The following RPS6KC1 variants were observed in gnomAD, a reference collection of about 807,000 sequenced individuals.
The protein encoded by RPS6KC1 is ribosomal protein S6 kinase C1, also known as inactive ribosomal protein S6 kinase delta-1.
A neutral mutation model predicts 103.8 loss-of-function variants in RPS6KC1; 54 were observed. That is an observed-to-expected ratio of 0.52 (90% confidence interval 0.42 to 0.65). The LOEUF is 0.65. Ranked by LOEUF, RPS6KC1 falls within the 30% of genes least tolerant of loss-of-function variation. The pLI is 0.00. For missense variants in RPS6KC1, 1,151 were observed against 1,253.8 expected (o/e 0.92, Z 1.24); for synonymous variants, 439 against 438.7 (o/e 1.00, Z -0.01).
At chr1:213,151,058 G>T (rs1245774735) in intron 6 of RPS6KC1, among the ~76,000 whole-genome samples, 2 of 145,628 alleles carry the variant, frequency 1.4e-5, no homozygotes, top group Non-Finnish European at 3.0e-5. Context: ...TCACTTCCCA[G>T]TAGGGGCGGC....
the RPS6KC1 span, among the ~76,000 whole-genome samples, chr1:213,786,638 A>G: frequency 2.0e-5 from 3 of 152,246 alleles, no homozygotes; most frequent in East Asian, 1.9e-4. Context: ...GGTAATATGT[A>G]TGAAACATCT....
At chr1:213,499,706 TAC>T in the RPS6KC1 span, among the ~76,000 whole-genome samples, 1 of 151,426 alleles carries the variant, frequency 6.6e-6, no homozygotes, top group African/African-American at 2.5e-5. Flanking sequence ...CCAGTGTGCT[TAC>T]ACAAACCTAG....
chr1:213,589,973 G>T, the RPS6KC1 span, among the ~76,000 whole-genome samples: 4 of 151,750 alleles, frequency 2.6e-5, no homozygotes, highest in South Asian at 2.1e-4. Context: ...GTGTGTGTGT[G>T]TGTGTGTGTC....
the RPS6KC1 span, among the ~76,000 whole-genome samples, chr1:213,387,342 T>G: frequency 6.6e-6 from 1 of 152,260 alleles, no homozygotes; most frequent in Non-Finnish European, 1.5e-5. Flanking sequence ...ATTTGCATTG[T>G]AATTGCCTGA....
the RPS6KC1 span, among the ~76,000 whole-genome samples, chr1:213,389,829 G>A: frequency 6.6e-6 from 1 of 152,162 alleles, no homozygotes; most frequent in East Asian, 1.9e-4. Context: ...CTTCATCTCA[G>A]CCCTGAATCT....
chr1:213,484,515 G>A, the RPS6KC1 span, among the ~76,000 whole-genome samples: 2 of 152,224 alleles, frequency 1.3e-5, no homozygotes, highest in Admixed American at 1.3e-4. Context: ...TAGAGAAGGT[G>A]AGAGAGCGAG....
At chr1:213,503,144 A>G in the RPS6KC1 span, among the ~76,000 whole-genome samples, 3 of 147,194 alleles carry the variant, frequency 2.0e-5, no homozygotes, top group African/African-American at 7.6e-5. Flanking sequence ...CATCTCTTCT[A>G]CTTTATTGTT....
At chr1:213,705,692 G>A in the RPS6KC1 span, among the ~76,000 whole-genome samples, 4 of 152,260 alleles carry the variant, frequency 2.6e-5, no homozygotes, top group African/African-American at 9.6e-5. Flanking sequence ...AACTACCACA[G>A]CTGGGGATGT....
At chr1:213,754,116 C>T in the RPS6KC1 span, among the ~76,000 whole-genome samples, 55 of 152,264 alleles carry the variant, frequency 3.6e-4, no homozygotes, top group Admixed American at 7.2e-4. Context: ...GCTCAGGCTG[C>T]GGAAACAAAA....
the RPS6KC1 span, among the ~76,000 whole-genome samples, chr1:213,292,693 G>GTT: frequency 7.2e-5 from 11 of 152,156 alleles, no homozygotes; most frequent in Non-Finnish European, 1.5e-4. Context: ...ATGATAGACA[G>GTT]TGATTTTCTA....
chr1:213,420,333 G>C, the RPS6KC1 span, among the ~76,000 whole-genome samples: 1 of 152,168 alleles, frequency 6.6e-6, no homozygotes. Flanking sequence ...GAAAAAGTAG[G>C]GTAAAGTGGG....
At chr1:213,101,962 G>A (rs1558318440) in intron 3 of RPS6KC1, among the ~76,000 whole-genome samples, 1 of 152,066 alleles carries the variant, frequency 6.6e-6, no homozygotes, top group Non-Finnish European at 1.5e-5. Flanking sequence ...TTTACCTATT[G>A]GGGTTCTTGC....
intron 6 of RPS6KC1, among the ~76,000 whole-genome samples, chr1:213,147,939 T>C (rs982867118): frequency 2.0e-5 from 3 of 152,240 alleles, no homozygotes; most frequent in Non-Finnish European, 4.4e-5. Context: ...TTCTTAGATA[T>C]TCAGTTTTAT....
intron 14 of RPS6KC1, among the ~76,000 whole-genome samples, chr1:213,265,147 A>C (rs1341034551): frequency 2.0e-5 from 3 of 152,202 alleles, no homozygotes; most frequent in Non-Finnish European, 4.4e-5. Context: ...TCTTGGATTC[A>C]TTAACTTGAA....
the RPS6KC1 span, among the ~76,000 whole-genome samples, chr1:213,658,958 T>C: frequency 6.6e-6 from 1 of 152,152 alleles, no homozygotes; most frequent in Non-Finnish European, 1.5e-5. Flanking sequence ...TTTTTTCTTT[T>C]CTTTTCTTTT....
At chr1:213,836,414 C>G in the RPS6KC1 span, among the ~76,000 whole-genome samples, 1 of 152,120 alleles carries the variant, frequency 6.6e-6, no homozygotes, top group Non-Finnish European at 1.5e-5. Context: ...CACAACCACA[C>G]TTAAATGTGT....
chr1:213,587,174 G>A, the RPS6KC1 span, among the ~76,000 whole-genome samples: 1 of 152,202 alleles, frequency 6.6e-6, no homozygotes, highest in African/African-American at 2.4e-5. Context: ...AAGCAGGCAT[G>A]GAAGTTGGGT....
chr1:213,536,828 G>T, the RPS6KC1 span, among the ~76,000 whole-genome samples: 452 of 152,304 alleles, frequency 3.0e-3, 6 homozygotes, highest in African/African-American at 0.01. Flanking sequence ...CTGAAGAAAA[G>T]ACCCAGAGCC....
the RPS6KC1 span, among the ~76,000 whole-genome samples, chr1:213,405,168 C>A: frequency 6.6e-6 from 1 of 152,248 alleles, no homozygotes; most frequent in African/African-American, 2.4e-5. Flanking sequence ...CAATCCATGT[C>A]TATCTATCCT....
Sources: allele counts gnomAD v4.1 joint callset (sites outside exome capture counted in the v4.1 genomes callset), GRCh38; gene constraint gnomAD v4.1.1; transcripts MANE v1.5; gene names NCBI Gene and HGNC (gene_info 2026-07-23, HGNC 2026-07-21).